Variants in ECI2 observed in about 807,000 individuals in gnomAD.
The protein encoded by ECI2 is D3,D2-enoyl-CoA isomerase.
A neutral mutation model predicts 38.4 loss-of-function variants in ECI2; 27 were observed. That is an observed-to-expected ratio of 0.70 (90% confidence interval 0.52 to 0.97). The LOEUF (loss-of-function observed/expected upper bound fraction) is 0.97. Among genes scored for constraint, ECI2 ranks in the 50% least tolerant of loss-of-function variants. The probability of loss-of-function intolerance (pLI) is 0.00; values close to 1 mark genes in which losing one functional copy is unlikely to be tolerated. For missense variants in ECI2, 470 were observed against 474.4 expected, an observed-to-expected ratio of 0.99 and a Z score of 0.09; for synonymous variants, 168 against 172.0, an observed-to-expected ratio of 0.98 and a Z score of 0.18.
intron 2 of ECI2, among the ~76,000 whole-genome samples, chr6:4,132,263 C>T (rs1773536970): frequency 6.6e-6 from 1 of 151,908 alleles, no homozygotes; most frequent in Non-Finnish European, 1.5e-5. Context: ...GCATAGGGCA[C>T]CTCTACCAGA....
intron 5 of ECI2, among the ~76,000 whole-genome samples, chr6:4,127,435 G>A (rs571874794): frequency 2.3e-4 from 19 of 82,562 alleles, no homozygotes; most frequent in Non-Finnish European, 3.7e-4. Flanking sequence ...TTTTTTTTGA[G>A]ACAGAGTCTC....
At chr6:4,122,198 G>T in intron 7 of ECI2, 1 of 394,286 alleles carries the variant, frequency 2.5e-6, no homozygotes. Flanking sequence ...TTTCTCATTT[G>T]TAAAATGGGA....
At position 4,125,252 on chromosome 6, in the gene ECI2, T is replaced by C. The variant is rs145542207; in HGVS notation, c.793A>G (p.Arg265Gly). The C allele has an allele frequency of 5.1e-5, 83 of 1,614,068 alleles. 1 individual carries two copies. In the African/African-American group the frequency reaches 8.7e-4, roughly 17 times the overall value. Residue 265 changes from arginine (R) to glycine (G), a missense_variant and splice_region_variant, in exon 7 of 10, where the codon AGG becomes GGG. Transcript: ENST00000380118. ...TTGCTTTCTAGGAGCTGACTTACCC[T>C]GTCAGATGCATACACGGCATCGAAT... ...GLFDAVYASD[R>G]ATFHTPFSHL...
Position 4,130,872 on chromosome 6 carries a change from A to G in ECI2, c.214-7T>C. On this transcript the variant is annotated splice_region_variant and splice_polypyrimidine_tract_variant and intron_variant, in intron 2 of 9. Transcript: ENST00000380118. ...TACAAGGTCCTTCAGTGGCCTGTGA[A>G]AAGGAGAGGGGCAATATGTTCAAAT... is the stretch of plus-strand genomic sequence containing the variant. 3 of 1,613,570 alleles carry G rather than the reference A, an allele frequency of 1.9e-6. No individual in the cohort carries two copies. Among genetic ancestry groups the G allele is most frequent in the Non-Finnish European group, 2.5e-6 (3 of 1,179,766 alleles).
Position 4,121,693 on chromosome 6 carries a change from GTTT to G in ECI2, c.796-2421_796-2419del, listed in dbSNP as rs3838251. Among the ~76,000 whole-genome samples the G allele has an allele frequency of 5.7e-5, 8 of 139,244 alleles. No homozygotes were observed. The East Asian group carries it at 8.4e-4, about 15-fold the overall frequency. The allele number at this position is 139,244 out of a possible 152,430, so 91.3% of individuals were successfully genotyped here. ...GTTATTTAGTATATAGTCATTTTTA[GTTT>G]TTTTTTTTTTTACATTTAAGACATA... On this transcript the variant is annotated intron_variant, in intron 7 of 9. Transcript: ENST00000380118.
Position 4,135,516 on chromosome 6 carries a change from A to G in ECI2, c.45T>C (p.Cys15=). The G allele has an allele frequency of 6.2e-7, 1 of 1,607,014 alleles. No individual in the cohort carries two copies. The highest frequency in any genetic ancestry group is 8.5e-7 in the Non-Finnish European group (1 of 1,177,038). The change falls in exon 1 of 10, where the codon TGT becomes TGC. Residue 15 remains cysteine (C), a synonymous_variant. Transcript: ENST00000380118. ...YLAWRLARRS[C]PSSLQVTSFP... Reference sequence around the variant, plus strand: ...GGCCGGGACTCCAAGCTTACCTCGGACACGAACGCCGCGCCAGTCTCCAAG... The same window carrying G: ...GGCCGGGACTCCAAGCTTACCTCGGGCACGAACGCCGCGCCAGTCTCCAAG...
At chr6:4,127,019 C>T (rs676683) in intron 5 of ECI2, among the ~76,000 whole-genome samples, 45,897 of 152,056 alleles carry the variant, frequency 0.3, 7,062 homozygotes, top group East Asian at 0.36. Context: ...TCAATTTCCA[C>T]AGAGAAGAAC....
intron 8 of ECI2, chr6:4,118,581 A>T (rs1338718371): frequency 6.6e-6 from 1 of 152,304 alleles, no homozygotes; most frequent in African/African-American, 2.4e-5. Flanking sequence ...CCTTCGAGTC[A>T]TGCCACAGGG....
chr6:4,131,765 A>G (rs930019934), intron 2 of ECI2, among the ~76,000 whole-genome samples: 1 of 152,080 alleles, frequency 6.6e-6, no homozygotes, highest in Non-Finnish European at 1.5e-5. Context: ...GCTGAGGCAG[A>G]AGGATTGCCT....
At chr6:4,120,229 G>A (rs1336228481) in intron 7 of ECI2, among the ~76,000 whole-genome samples, 1 of 152,130 alleles carries the variant, frequency 6.6e-6, no homozygotes, top group Non-Finnish European at 1.5e-5. Context: ...GATATGTTCT[G>A]AGAAATGCAT....
intron 1 of ECI2, 78 bp downstream of exon 1, chr6:4,135,433 C>G (rs1160384608): frequency 1.2e-5 from 20 of 1,606,740 alleles, no homozygotes; most frequent in Non-Finnish European, 1.7e-5. Flanking sequence ...GGAGGGTCTT[C>G]CAACGGCGGC....
At chr6:4,125,202 C>T in intron 7 of ECI2, 48 bp downstream of exon 7, 1 of 1,605,962 alleles carries the variant, frequency 6.2e-7, no homozygotes, top group South Asian at 1.1e-5. Flanking sequence ...CAAAGGCTCT[C>T]ATCTCGCGCT....
rs116302350 is a variant in ECI2 at position 4,127,841 on chromosome 6, G to A, written c.502-10C>T. On this transcript the variant is annotated splice_polypyrimidine_tract_variant and intron_variant, in intron 4 of 9. Transcript: ENST00000380118. ...TAATTTCATGATACATCTGTGTAAT[G>A]GGAAGACAAGGAAAAGAAAAGAACT... 0.025 allele frequency: 40,531 copies of A among 1,606,972 alleles called. 576 individuals are homozygous for A. The highest frequency in any genetic ancestry group is 0.029 in the Non-Finnish European group (34,348 of 1,177,250).
In ECI2 at chr6:4,127,798, C is replaced by A; in HGVS notation, c.535G>T (p.Ala179Ser). The A allele has an allele frequency of 1.2e-6, 2 of 1,613,136 alleles. No individual in the cohort carries two copies. The highest frequency in any genetic ancestry group is 1.7e-6 in the Non-Finnish European group (2 of 1,179,578). Residue 179 changes from alanine (A) to serine (S), a missense_variant, in exon 5 of 10, where the codon GCC becomes TCC. Physicochemically the swap from Ala to Ser is moderately conservative, Grantham distance 99. Coordinates refer to ENST00000380118, the MANE Select transcript of ECI2 (RefSeq NM_206836.3). ...GTGATGATTGAGTCATCCTTGCTGG[C>A]AGCTTTAAGTGCACGCATAATTTCA... ...YHEIMRALKA[A>S]SKDDSIITVL...
At chr6:4,127,066 T>C (rs1773209466) in intron 5 of ECI2, among the ~76,000 whole-genome samples, 1 of 152,244 alleles carries the variant, frequency 6.6e-6, no homozygotes, top group Non-Finnish European at 1.5e-5. Context: ...AATGGACTCA[T>C]ACAGTATGTA....
At chr6:4,130,151 A>G (rs1342415484) in intron 4 of ECI2, 1 of 1,613,888 alleles carries the variant, frequency 6.2e-7, no homozygotes, top group Non-Finnish European at 8.5e-7. Flanking sequence ...GGAAAATCAC[A>G]GTGCCTTCTG....
chr6:4,135,528 C>G lies in ECI2; in HGVS notation c.33G>C (p.Ala11=), dbSNP rs1773684114. The change falls in exon 1 of 10, where the codon GCG becomes GCC. Residue 11 remains alanine (A), a synonymous_variant. Transcript: ENST00000380118. The part of the protein sequence containing the change: MAMAYLAWRL[A]RRSCPSSLQV... ...AAGCTTACCTCGGACACGAACGCCG[C>G]GCCAGTCTCCAAGCCAAGTACGCCA... 1 of 1,610,650 alleles carries G rather than the reference C, an allele frequency of 6.2e-7. No homozygotes were observed. Among genetic ancestry groups the G allele is most frequent in the Non-Finnish European group, 8.5e-7 (1 of 1,179,024 alleles).
chr6:4,134,943 G>C (rs1028799579), intron 1 of ECI2, among the ~76,000 whole-genome samples: 1 of 152,192 alleles, frequency 6.6e-6, no homozygotes, highest in African/African-American at 2.4e-5. Flanking sequence ...GGCCACCACC[G>C]TGTTTCGGTT....
chr6:4,125,147 A>C, intron 7 of ECI2, 103 bp downstream of exon 7: 1 of 1,527,562 alleles, frequency 6.5e-7, no homozygotes, highest in East Asian at 2.3e-5. Context: ...TTCTACCACA[A>C]ACAACATGTA....
Sources: allele counts gnomAD v4.1 joint callset (sites outside exome capture counted in the v4.1 genomes callset), GRCh38; gene constraint gnomAD v4.1.1; transcripts MANE v1.5; gene names NCBI Gene and HGNC (gene_info 2026-07-23, HGNC 2026-07-21).